PHGDH: variants seen among roughly 807,000 people sequenced by gnomAD.
PHGDH encodes phosphoglycerate dehydrogenase.
In PHGDH, 50 loss-of-function variants were observed where a neutral mutation model predicts 52.6. The observed-to-expected ratio is 0.95, with a 90% CI of 0.76 to 1.20. The LOEUF is 1.20. PHGDH is among the 50% of genes most tolerant of loss of function. PHGDH has a pLI of 0.00. For synonymous variants in PHGDH, 271 were observed against 280.5 expected (o/e 0.97, Z 0.34); for missense variants, 630 against 684.6 (o/e 0.92, Z 0.89).
chr1:119,741,297 C>A (rs1652196632), intron 9 of PHGDH, among the ~76,000 whole-genome samples: 1 of 152,138 alleles, frequency 6.6e-6, no homozygotes, highest in South Asian at 2.1e-4. Flanking sequence ...AAGGGCAGAG[C>A]CAGGGGGTCC....
intron 8 of PHGDH, among the ~76,000 whole-genome samples, chr1:119,739,033 A>G (rs1652068599): frequency 6.6e-6 from 1 of 152,156 alleles, no homozygotes; most frequent in South Asian, 2.1e-4. Context: ...TAAGAAATAT[A>G]TTTTCCTAAT....
intron 2 of PHGDH, 128 bp downstream of exon 2, chr1:119,721,449 G>T: frequency 1.1e-6 from 1 of 891,154 alleles, no homozygotes. Flanking sequence ...GAGGATGCCT[G>T]GTCTAGGGCC....
chr1:119,739,580 C>T (rs909862391), intron 8 of PHGDH: 1 of 152,142 alleles, frequency 6.6e-6, no homozygotes, highest in Non-Finnish European at 1.5e-5. Flanking sequence ...GAAAGAGAAG[C>T]ATCTGTGTTT....
At chr1:119,723,252 T>C (rs971266690) in intron 2 of PHGDH, 124 bp from the exon 3 acceptor site, 9 of 800,750 alleles carry the variant, frequency 1.1e-5, no homozygotes, top group Non-Finnish European at 2.0e-5. Context: ...CTCTGGACAG[T>C]GGCGTGGTCA....
At chr1:119,727,922 A>T (rs1314334770) in intron 5 of PHGDH, among the ~76,000 whole-genome samples, 1 of 152,214 alleles carries the variant, frequency 6.6e-6, no homozygotes, top group Non-Finnish European at 1.5e-5. Context: ...ATGATTATTC[A>T]TAAGGAGGTG....
At chr1:119,728,826 A>G (rs1389674562) in intron 5 of PHGDH, among the ~76,000 whole-genome samples, 1 of 152,192 alleles carries the variant, frequency 6.6e-6, no homozygotes, top group East Asian at 1.9e-4. Context: ...ACATTAGGAG[A>G]TCAGTTTTGA....
In PHGDH at chr1:119,730,937, G is replaced by A. The variant is rs148222134; in HGVS notation, c.511-3697G>A. ...AAGGAGAGGTAGTTAATACTTAAGG[G>A]TGCAGAATCAGGTCCAAAAAGACAT... On this transcript the variant is annotated intron_variant, in intron 5 of 11. Transcript: ENST00000641023. 8.7e-3 allele frequency among the ~76,000 whole-genome samples: 1,330 copies of A among 152,286 alleles called. 15 individuals carry two copies. Among genetic ancestry groups the A allele is most frequent in the Middle Eastern group, 0.048 (14 of 294 alleles).
chr1:119,732,391 C>T (rs937216057), intron 5 of PHGDH, among the ~76,000 whole-genome samples: 1 of 152,204 alleles, frequency 6.6e-6, no homozygotes, highest in Non-Finnish European at 1.5e-5. Flanking sequence ...CTCCCCAAGG[C>T]TTCTCTCCGG....
At chr1:119,737,746 C>G (rs1055952658) in intron 8 of PHGDH, among the ~76,000 whole-genome samples, 4 of 152,152 alleles carry the variant, frequency 2.6e-5, no homozygotes, top group African/African-American at 9.7e-5. Context: ...GACCCCCTTG[C>G]TTTCCCCAAA....
In PHGDH at chr1:119,732,134, C is replaced by T. The variant is rs79220263; in HGVS notation, c.511-2500C>T. On this transcript the variant is annotated intron_variant, in intron 5 of 11. Transcript: ENST00000641023. ...GCTGTGGGGCAGAGAGAGCACGTGA[C>T]GGTGAGGGTTCTTCTTCAGAGCCTC... Among the ~76,000 whole-genome samples the T allele has an allele frequency of 5.1e-3, 772 of 152,320 alleles. 1 individual carries two copies. Among genetic ancestry groups the T allele is most frequent in the Non-Finnish European group, 7.8e-3 (533 of 68,018 alleles).
chr1:119,734,550 C>T (rs1307673389), intron 5 of PHGDH, 84 bp from the exon 6 acceptor site: 2 of 1,348,658 alleles, frequency 1.5e-6, no homozygotes, highest in Non-Finnish European at 2.1e-6. Flanking sequence ...ATGGTAAATG[C>T]TCAAAAAATG....
Position 119,713,659 on chromosome 1 carries a change from G to C in PHGDH, c.138+1499G>C, listed in dbSNP as rs587724539. 5.3e-5 allele frequency among the ~76,000 whole-genome samples: 8 copies of C among 152,276 alleles called. No homozygotes were observed. The South Asian group carries it at 1.5e-3, about 28-fold the overall frequency. On this transcript the variant is annotated intron_variant, in intron 1 of 11. Coordinates refer to ENST00000641023, the MANE Select transcript of PHGDH (RefSeq NM_006623.4). ...TTGAGTAGGATTGGACGGGTGGCAG[G>C]CTCCTCACATCTGTCACCTCCTTTC...
intron 9 of PHGDH, 87 bp downstream of exon 9, chr1:119,740,605 C>T (rs1652155023): frequency 2.5e-6 from 3 of 1,204,898 alleles, no homozygotes; most frequent in Non-Finnish European, 3.6e-6. Flanking sequence ...CTGCAGGACA[C>T]AGGGTTAGTG....
chr1:119,713,154 C>G (rs975727694), intron 1 of PHGDH: 1 of 152,446 alleles, frequency 6.6e-6, no homozygotes, highest in African/African-American at 2.4e-5. Flanking sequence ...ACCCAGCTGC[C>G]CAGTCTCTAC....
At chr1:119,718,270 C>G (rs138359813) in intron 1 of PHGDH, among the ~76,000 whole-genome samples, 2 of 152,232 alleles carry the variant, frequency 1.3e-5, no homozygotes, top group Non-Finnish European at 2.9e-5. Context: ...CTGCCATATC[C>G]TAGCTATGTG....
intron 10 of PHGDH, chr1:119,742,433 C>G: frequency 2.3e-6 from 1 of 432,640 alleles, no homozygotes; most frequent in Non-Finnish European, 4.3e-6. Context: ...CCCTCTGCTC[C>G]CCTCCACTCC....
chr1:119,726,837 G>A lies in PHGDH; in HGVS notation c.357-14G>A. The A allele has an allele frequency of 6.2e-7, 1 of 1,612,864 alleles. No homozygotes were observed. The highest frequency in any genetic ancestry group is 8.5e-7 in the Non-Finnish European group (1 of 1,179,160). ...GTCCGAATGGACCCTCTGAACCTGTGTCTATCCTTGCAGGCAGATTCCCCA... is the reference window on the plus strand; with the variant it reads ...GTCCGAATGGACCCTCTGAACCTGTATCTATCCTTGCAGGCAGATTCCCCA... On this transcript the variant is annotated splice_polypyrimidine_tract_variant and intron_variant, in intron 3 of 11. Transcript: ENST00000641023.
intron 6 of PHGDH, 181 bp from the exon 7 acceptor site, chr1:119,735,114 A>G: frequency 2.6e-6 from 2 of 781,052 alleles, no homozygotes; most frequent in Non-Finnish European, 4.4e-6. Context: ...CAGATCCATA[A>G]CAGGGACTCC....
chr1:119,721,870 A>T (rs1651183183), intron 2 of PHGDH, among the ~76,000 whole-genome samples: 1 of 152,348 alleles, frequency 6.6e-6, no homozygotes, highest in Non-Finnish European at 1.5e-5. Flanking sequence ...CTAGGGCAAG[A>T]GGAGAAGGGT....
Sources: gnomAD v4.1 joint callset for allele counts (sites outside exome capture counted in the v4.1 genomes callset) on GRCh38, gnomAD v4.1.1 for gene constraint, MANE v1.5 for transcripts, NCBI Gene and HGNC (gene_info 2026-07-23, HGNC 2026-07-21) for gene names.